Variants in RAB6B observed in about 807,000 individuals in gnomAD.
RAB6B encodes the protein ras-related protein Rab-6B.
In RAB6B, 7 loss-of-function variants were observed where a neutral mutation model predicts 31.2. That is an observed-to-expected ratio of 0.22 (90% CI 0.13 to 0.42). The LOEUF (loss-of-function observed/expected upper bound fraction) is 0.42, where lower values mean the gene tolerates loss of function less well. RAB6B is among the 10% of genes least tolerant of loss of function. The pLI, the probability that RAB6B is intolerant of heterozygous loss-of-function variation, is 1.00. For synonymous variants in RAB6B, 105 were observed against 104.9 expected, an observed-to-expected ratio of 1.00 and a Z score of -0.01; for missense variants, 149 against 280.6, an observed-to-expected ratio of 0.53 and a Z score of 3.35.
At chr3:133,851,524 G>A (rs1375214757) in intron 2 of RAB6B, among the ~76,000 whole-genome samples, 1 of 152,204 alleles carries the variant, frequency 6.6e-6, no homozygotes, top group Non-Finnish European at 1.5e-5. Context: ...TGCTGCAAAG[G>A]CCTAGACAGG....
intron 2 of RAB6B, among the ~76,000 whole-genome samples, chr3:133,842,058 T>C (rs1935844223): frequency 6.6e-6 from 1 of 152,202 alleles, no homozygotes. Context: ...GCCTCTTCCC[T>C]CTGCCCTAAA....
Position 133,895,646 on chromosome 3 carries a change from C to G in RAB6B, c.-180G>C. On this transcript the variant is annotated 5_prime_UTR_variant, in exon 1 of 8. Transcript: ENST00000285208. The stretch of plus-strand genomic sequence containing the variant: ...TCCCGGCCTGCGGCTGCGTGTCCGG[C>G]GGCGGAGGAGGAGGAGGAGAGAGAG... 1.6e-6 allele frequency: 1 copy of G among 616,146 alleles called. No individual in the cohort carries two copies. The highest frequency in any genetic ancestry group is 2.8e-6 in the Non-Finnish European group (1 of 354,230). 38.2% of individuals were successfully genotyped at this position (616,146 alleles called of 1,614,324 possible). A position where few individuals can be genotyped will look rare whatever the true frequency, so the allele number is the denominator to read the frequency against.
At chr3:133,844,276 G>A (rs539347514) in intron 2 of RAB6B, among the ~76,000 whole-genome samples, 8 of 152,160 alleles carry the variant, frequency 5.3e-5, no homozygotes, top group East Asian at 1.9e-4. Flanking sequence ...AGGCAGCAAC[G>A]AGGAACCTGA....
At chr3:133,836,360 G>A (rs1189323648) in intron 6 of RAB6B, among the ~76,000 whole-genome samples, 1 of 152,254 alleles carries the variant, frequency 6.6e-6, no homozygotes, top group African/African-American at 2.4e-5. Flanking sequence ...GCCTCTACTA[G>A]TGGCCAAAAT....
chr3:133,827,498 A>C lies in RAB6B; in HGVS notation c.*1290T>G, dbSNP rs1035329377. On this transcript the variant is annotated 3_prime_UTR_variant, in exon 8 of 8. Transcript: ENST00000285208. ...AGGACTAAGCCATTCTCAGGAATGA[A>C]TCAAAAATGGAAGAGATGGCTCTCT... 3.0e-5 allele frequency: 6 copies of C among 196,748 alleles called. No homozygotes were observed. The highest frequency in any genetic ancestry group is 5.2e-5 in the Non-Finnish European group (5 of 96,348). 12.2% of individuals were successfully genotyped at this position (196,748 alleles called of 1,614,324 possible).
chr3:133,857,781 T>C (rs962746865), intron 2 of RAB6B, among the ~76,000 whole-genome samples: 16 of 152,196 alleles, frequency 1.1e-4, no homozygotes, highest in Non-Finnish European at 1.5e-4. Flanking sequence ...GGCACTGATA[T>C]TCTTCCAGCA....
chr3:133,886,086 C>T (rs573617984), intron 1 of RAB6B, among the ~76,000 whole-genome samples: 6 of 152,274 alleles, frequency 3.9e-5, no homozygotes, highest in Non-Finnish European at 7.4e-5. Flanking sequence ...CCTTCTCCCC[C>T]ACTATTTCTC....
chr3:133,891,436 A>C (rs2108017908), intron 1 of RAB6B, among the ~76,000 whole-genome samples: 1 of 152,316 alleles, frequency 6.6e-6, no homozygotes, highest in East Asian at 1.9e-4. Context: ...TGCCTATAGA[A>C]GCATCCCTTG....
chr3:133,869,704 C>T (rs1348936108), intron 1 of RAB6B, among the ~76,000 whole-genome samples: 2 of 152,166 alleles, frequency 1.3e-5, no homozygotes, highest in Admixed American at 6.5e-5. Context: ...ACAGCTTCTG[C>T]CTGGAGTGTG....
chr3:133,875,041 T>TA (rs1267392095), intron 1 of RAB6B, among the ~76,000 whole-genome samples: 7 of 152,098 alleles, frequency 4.6e-5, no homozygotes, highest in Non-Finnish European at 1.0e-4. Flanking sequence ...GTTCCCTTTT[T>TA]AAAAAAAGTG....
intron 2 of RAB6B, among the ~76,000 whole-genome samples, chr3:133,849,302 T>G (rs928805017): frequency 2.0e-5 from 3 of 152,224 alleles, no homozygotes; most frequent in Non-Finnish European, 2.9e-5. Context: ...CCACGAGTCA[T>G]GTGCATCAGA....
chr3:133,849,247 A>C (rs551554134), intron 2 of RAB6B, among the ~76,000 whole-genome samples: 2 of 152,286 alleles, frequency 1.3e-5, no homozygotes. Flanking sequence ...CATACTAATC[A>C]ATCTCTCCCA....
chr3:133,844,882 G>A (rs1935884709), intron 2 of RAB6B, among the ~76,000 whole-genome samples: 1 of 151,880 alleles, frequency 6.6e-6, no homozygotes, highest in Non-Finnish European at 1.5e-5. Context: ...GGCTGAGGAT[G>A]CAGTGAGCCA....
intron 1 of RAB6B, among the ~76,000 whole-genome samples, chr3:133,881,865 T>C (rs1001534718): frequency 3.3e-5 from 5 of 152,218 alleles, no homozygotes; most frequent in African/African-American, 1.2e-4. Flanking sequence ...CTCTAAAATC[T>C]TCACCCTATC....
At chr3:133,851,628 G>A (rs1935985553) in intron 2 of RAB6B, among the ~76,000 whole-genome samples, 1 of 152,200 alleles carries the variant, frequency 6.6e-6, no homozygotes, top group Admixed American at 6.5e-5. Flanking sequence ...GGGTGTGAAA[G>A]ATGTAGAGAG....
rs5852771 is a variant in RAB6B, at chr3:133,889,388, TTATATATATATATATATATATATATA to T, written c.70+5983_70+6008del. On this transcript the variant is annotated intron_variant, in intron 1 of 7. Coordinates refer to ENST00000285208, the MANE Select transcript of RAB6B (RefSeq NM_016577.4). ...ACAAAAGGACAATAAGGTTATTTTG[TTATATATATATATATATATATATATA>T]TATATATATATATATATATATATAT... Among the ~76,000 whole-genome samples, 542 of 80,266 alleles carry T rather than the reference TTATATATATATATATATATATATATA, an allele frequency of 6.8e-3. 10 individuals carry two copies. Among genetic ancestry groups the T allele is most frequent in the African/African-American group, 0.021 (437 of 20,952 alleles). The allele number at this position is 80,266 out of a possible 152,430, so 52.7% of individuals were successfully genotyped here. A position where few individuals can be genotyped will look rare whatever the true frequency, so the allele number is the denominator to read the frequency against.
Position 133,826,053 on chromosome 3 carries a change from CAG to C in RAB6B, c.*2733_*2734del, listed in dbSNP as rs1935557112. On this transcript the variant is annotated 3_prime_UTR_variant, in exon 8 of 8. Transcript: ENST00000285208. Reference sequence around the variant, plus strand: ...GATGGTGCCTGCTCAAGACAAAAATCAGGGAACCAACAACTTCTGAAAAAGAG... The same window carrying C: ...GATGGTGCCTGCTCAAGACAAAAATCGGAACCAACAACTTCTGAAAAAGAG... 1 of 152,288 alleles carries C rather than the reference CAG, an allele frequency of 6.6e-6. No homozygotes were observed. The highest frequency in any genetic ancestry group is 1.9e-4 in the East Asian group (1 of 5,194). 9.4% of individuals were successfully genotyped at this position (152,288 alleles called of 1,614,324 possible).
At chr3:133,892,348 A>G (rs1936648906) in intron 1 of RAB6B, among the ~76,000 whole-genome samples, 1 of 152,086 alleles carries the variant, frequency 6.6e-6, no homozygotes, top group African/African-American at 2.4e-5. Context: ...CAGCCAGCCT[A>G]TATTCCACAG....
At chr3:133,891,254 C>T (rs1467775828) in intron 1 of RAB6B, among the ~76,000 whole-genome samples, 1 of 152,210 alleles carries the variant, frequency 6.6e-6, no homozygotes, top group Non-Finnish European at 1.5e-5. Context: ...ACAGCCCCAA[C>T]TCAGTACCAC....
Sources: allele counts gnomAD v4.1 joint callset (sites outside exome capture counted in the v4.1 genomes callset), GRCh38; gene constraint gnomAD v4.1.1; transcripts MANE v1.5; gene names NCBI Gene and HGNC (gene_info 2026-07-23, HGNC 2026-07-21).